Variants in COL24A1 observed in about 807,000 individuals in gnomAD.
The protein encoded by COL24A1 is collagen type XXIV alpha 1 chain, also known as collagen alpha-1(XXIV) chain.
In COL24A1, 224 loss-of-function variants were observed where a neutral mutation model predicts 253.9. The observed-to-expected ratio is 0.88, with a 90% CI of 0.79 to 0.99. The LOEUF (loss-of-function observed/expected upper bound fraction) is 0.99. COL24A1 is among the 50% of genes least tolerant of loss of function. COL24A1 has a pLI of 0.00. For missense variants in COL24A1, 2,131 were observed against 2,068.5 expected (o/e 1.03, Z -0.59); for synonymous variants, 685 against 673.7 (o/e 1.02, Z -0.26).
intron 24 of COL24A1, among the ~76,000 whole-genome samples, chr1:85,952,325 T>C (rs1193353957): frequency 6.6e-6 from 1 of 152,130 alleles, no homozygotes; most frequent in Non-Finnish European, 1.5e-5. Context: ...AAGTGTTTGT[T>C]AAGGAAAAAA....
intron 52 of COL24A1, among the ~76,000 whole-genome samples, chr1:85,778,043 A>ATCTATCTT (rs1668758287): frequency 2.6e-5 from 4 of 151,310 alleles, no homozygotes; most frequent in South Asian, 4.2e-4. Context: ...CTATCTATCT[A>ATCTATCTT]TCTATCTATC....
At chr1:86,128,088 T>A (rs940341080) in intron 2 of COL24A1, among the ~76,000 whole-genome samples, 16 of 152,062 alleles carry the variant, frequency 1.1e-4, no homozygotes, top group African/African-American at 3.6e-4. Context: ...CTCCAGGAAT[T>A]TAGGGACATA....
chr1:86,134,161 T>C (rs1297271273), intron 2 of COL24A1, among the ~76,000 whole-genome samples: 1 of 151,526 alleles, frequency 6.6e-6, no homozygotes, highest in African/African-American at 2.4e-5. Context: ...TATTCTCTGA[T>C]GGTAGTTTAT....
intron 27 of COL24A1, among the ~76,000 whole-genome samples, chr1:85,907,954 A>G (rs1339821070): frequency 7.2e-5 from 11 of 151,770 alleles, no homozygotes; most frequent in Non-Finnish European, 4.4e-5. Context: ...CTAATTTTAA[A>G]AGCCAACAAC....
chr1:85,852,893 A>G (rs141529631), intron 37 of COL24A1, among the ~76,000 whole-genome samples: 1,686 of 152,202 alleles, frequency 0.011, 24 homozygotes, highest in African/African-American at 0.038. Flanking sequence ...CAAGCAATCC[A>G]CTCACCTCAG....
chr1:85,801,405 G>A (rs150521900), intron 47 of COL24A1, among the ~76,000 whole-genome samples: 1 of 152,214 alleles, frequency 6.6e-6, no homozygotes, highest in Non-Finnish European at 1.5e-5. Flanking sequence ...AAAAGTGAGA[G>A]GAGAGAAAGG....
intron 37 of COL24A1, among the ~76,000 whole-genome samples, chr1:85,855,276 G>C (rs1409141485): frequency 6.6e-6 from 1 of 151,988 alleles, no homozygotes; most frequent in Admixed American, 6.6e-5. Flanking sequence ...TATTAAGTAG[G>C]AGTGGTGAGA....
At chr1:85,886,745 A>G (rs1682557771) in intron 32 of COL24A1, among the ~76,000 whole-genome samples, 2 of 152,100 alleles carry the variant, frequency 1.3e-5, no homozygotes, top group Non-Finnish European at 2.9e-5. Context: ...ATATTAATAG[A>G]TTTCTTAATA....
At chr1:86,077,536 C>T (rs534642344) in intron 7 of COL24A1, among the ~76,000 whole-genome samples, 29 of 152,178 alleles carry the variant, frequency 1.9e-4, no homozygotes, top group Non-Finnish European at 2.6e-4. Context: ...GACACATGCA[C>T]GCATATGTTT....
Position 85,816,906 on chromosome 1 carries a change from A to G in COL24A1, c.3844-11T>C. 1 of 1,584,442 alleles carries G rather than the reference A, an allele frequency of 6.3e-7. No homozygotes were observed. Among genetic ancestry groups the G allele is most frequent in the Non-Finnish European group, 8.7e-7 (1 of 1,153,458 alleles). Reference sequence around the variant, plus strand: ...TAGGCCTTGAAGTCCCTTGATAATTAAAAATTATTTGGATTGTAGAGATGC... The same window carrying G: ...TAGGCCTTGAAGTCCCTTGATAATTGAAAATTATTTGGATTGTAGAGATGC... On this transcript the variant is annotated splice_polypyrimidine_tract_variant and intron_variant, in intron 46 of 59. Transcript: ENST00000370571.
chr1:86,123,902 G>GCTAAGCCAAAGACTTAGC (rs1647804826), intron 3 of COL24A1, among the ~76,000 whole-genome samples: 1 of 151,722 alleles, frequency 6.6e-6, no homozygotes, highest in Non-Finnish European at 1.5e-5. Flanking sequence ...CCCATTCTAT[G>GCTAAGCCAAAGACTTAGC]ATTTCTAGAG....
At chr1:86,058,985 G>T in intron 9 of COL24A1, 136 bp downstream of exon 9, 1 of 563,248 alleles carries the variant, frequency 1.8e-6, no homozygotes, top group Non-Finnish European at 2.9e-6. Flanking sequence ...CTACAACTTT[G>T]ATTTTGAAAT....
At chr1:85,889,082 T>C (rs369853704) in intron 32 of COL24A1, among the ~76,000 whole-genome samples, 1 of 152,252 alleles carries the variant, frequency 6.6e-6, no homozygotes, top group South Asian at 2.1e-4. Context: ...TATTTCATAA[T>C]GATTTCATAA....
intron 10 of COL24A1, among the ~76,000 whole-genome samples, chr1:86,056,769 G>A (rs753521130): frequency 9.9e-5 from 15 of 151,364 alleles, no homozygotes; most frequent in Non-Finnish European, 1.9e-4. Context: ...CAGGAGAATC[G>A]CTTGGACCCG....
At chr1:86,011,104 C>A (rs999164582) in intron 19 of COL24A1, among the ~76,000 whole-genome samples, 7 of 152,118 alleles carry the variant, frequency 4.6e-5, no homozygotes, top group Non-Finnish European at 7.4e-5. Flanking sequence ...ATTTCTCTAA[C>A]TTTTCTGGAA....
chr1:86,059,322 G>A, intron 8 of COL24A1, 148 bp from the exon 9 acceptor site: 2 of 474,604 alleles, frequency 4.2e-6, no homozygotes, highest in East Asian at 3.5e-5. Flanking sequence ...CCTACGTGAA[G>A]GAAAATGGAC....
chr1:85,779,117 C>T (rs1668896884), intron 52 of COL24A1, among the ~76,000 whole-genome samples: 1 of 151,960 alleles, frequency 6.6e-6, no homozygotes, highest in Admixed American at 6.6e-5. Flanking sequence ...GCAATCCTCC[C>T]ATCTTAGCCT....
chr1:85,936,707 C>A (rs1247817888), intron 24 of COL24A1, among the ~76,000 whole-genome samples: 1 of 146,836 alleles, frequency 6.8e-6, no homozygotes, highest in Non-Finnish European at 1.5e-5. Context: ...ACCTGGCAGA[C>A]CCTACGGTAT....
chr1:85,827,884 A>G (rs986114631), intron 43 of COL24A1, among the ~76,000 whole-genome samples: 1 of 152,034 alleles, frequency 6.6e-6, no homozygotes, highest in Non-Finnish European at 1.5e-5. Flanking sequence ...TCCTGGATTC[A>G]TTCATTTTTT....
Sources: gnomAD v4.1 joint callset for allele counts (sites outside exome capture counted in the v4.1 genomes callset) on GRCh38, gnomAD v4.1.1 for gene constraint, MANE v1.5 for transcripts, NCBI Gene and HGNC (gene_info 2026-07-23, HGNC 2026-07-21) for gene names.